Variants in PTPRG observed in about 807,000 individuals in gnomAD.
PTPRG encodes protein tyrosine phosphatase receptor type G, also known as receptor-type tyrosine-protein phosphatase gamma.
Under a neutral mutation model 165.3 loss-of-function variants are expected in PTPRG, and 102 were observed. The observed-to-expected ratio is 0.62, with a 90% CI of 0.53 to 0.73. The LOEUF is 0.73. Among genes scored for constraint, PTPRG ranks in the 30% least tolerant of loss-of-function variants. The pLI, the probability that PTPRG is intolerant of heterozygous loss-of-function variation, is 0.00. For missense variants in PTPRG, 1,866 were observed against 1,861.4 expected (o/e 1.00, Z -0.05); for synonymous variants, 675 against 669.5 (o/e 1.01, Z -0.13).
At chr3:61,674,994 A>G (rs1003585444) in intron 1 of PTPRG, among the ~76,000 whole-genome samples, 5 of 152,250 alleles carry the variant, frequency 3.3e-5, no homozygotes, top group African/African-American at 9.6e-5. Context: ...TTAGAACAGG[A>G]GACATTCAGT....
intron 2 of PTPRG, among the ~76,000 whole-genome samples, chr3:61,796,184 C>A (rs1490666973): frequency 6.6e-6 from 1 of 152,070 alleles, no homozygotes; most frequent in East Asian, 1.9e-4. Context: ...ATCTATTGAG[C>A]AAGATTAAAG....
chr3:62,081,260 ACAAACAAAC>A lies in PTPRG; in HGVS notation c.615+3003_615+3011del, dbSNP rs777811966. On this transcript the variant is annotated intron_variant, in intron 5 of 29. Transcript: ENST00000474889. The stretch of plus-strand genomic sequence containing the variant: ...CGACAGAGTGAGACTCCGTCTCAAA[ACAAACAAAC>A]AAACAAACAAACAAACAAACAAACA... Among the ~76,000 whole-genome samples the A allele has an allele frequency of 2.8e-4, 37 of 134,368 alleles. 1 individual carries two copies. Among genetic ancestry groups the A allele is most frequent in the Admixed American group, 1.2e-3 (17 of 14,084 alleles). The allele number at this position is 134,368 out of a possible 152,430, so 88.2% of individuals were successfully genotyped here. A position where few individuals can be genotyped will look rare whatever the true frequency, so the allele number is the denominator to read the frequency against.
At chr3:61,925,765 T>C (rs368023510) in intron 2 of PTPRG, 21 of 381,402 alleles carry the variant, frequency 5.5e-5, no homozygotes, top group African/African-American at 4.3e-4. Context: ...AAATCATCAT[T>C]GGTCAAAGTT....
intron 2 of PTPRG, among the ~76,000 whole-genome samples, chr3:61,976,585 T>G (rs982331959): frequency 6.6e-6 from 1 of 152,236 alleles, no homozygotes; most frequent in Non-Finnish European, 1.5e-5. Flanking sequence ...TCCTTTTTAA[T>G]AATAAATTGT....
chr3:61,993,461 C>G (rs555693181), intron 3 of PTPRG, among the ~76,000 whole-genome samples: 1 of 151,802 alleles, frequency 6.6e-6, no homozygotes. Context: ...TCAGGTGATC[C>G]GCCCACTTCT....
At position 62,203,568 on chromosome 3, in the gene PTPRG, G is replaced by A. The variant is rs1281301009; in HGVS notation, c.1773G>A (p.Gly591=). The A allele has an allele frequency of 1.9e-6, 3 of 1,552,626 alleles. No homozygotes were observed. The highest frequency in any genetic ancestry group is 1.4e-5 in the African/African-American group (1 of 73,102). The change falls in exon 12 of 30, where the codon GGG becomes GGA. Residue 591 remains glycine (G), a synonymous_variant. Transcript: ENST00000474889. The surrounding 1 kb of genome is among the most constrained non-coding windows in gnomAD (Gnocchi z 6.4). ...ATGAGAAAAGCGAGAGTGAGGATGG[G>A]GAGCGGGAGCACGAGGAGGATGGAG... ...EKDEKSESED[G]EREHEEDGEK... is the part of the protein sequence containing the mutation.
chr3:61,655,629 A>T (rs1363065359), intron 1 of PTPRG, among the ~76,000 whole-genome samples: 1 of 151,994 alleles, frequency 6.6e-6, no homozygotes, highest in Non-Finnish European at 1.5e-5. Flanking sequence ...ACAGGGTCTT[A>T]CTTTGTCACC....
At chr3:62,156,584 C>T (rs1250678048) in intron 6 of PTPRG, among the ~76,000 whole-genome samples, 1 of 152,114 alleles carries the variant, frequency 6.6e-6, no homozygotes, top group African/African-American at 2.4e-5. Context: ...TTACTGGTGA[C>T]TTACAGTTTT....
At chr3:61,697,837 C>T (rs2030697234) in intron 1 of PTPRG, among the ~76,000 whole-genome samples, 1 of 152,180 alleles carries the variant, frequency 6.6e-6, no homozygotes. Flanking sequence ...TTGCATGACT[C>T]CTGTACTTAT....
At chr3:62,058,474 C>T (rs1327631747) in intron 4 of PTPRG, among the ~76,000 whole-genome samples, 4 of 152,076 alleles carry the variant, frequency 2.6e-5, no homozygotes, top group African/African-American at 9.7e-5. Context: ...GCTGGATGTT[C>T]ATTTTAAGTG....
chr3:61,588,488 C>T (rs1210415405), intron 1 of PTPRG, among the ~76,000 whole-genome samples: 2 of 147,802 alleles, frequency 1.4e-5, no homozygotes, highest in African/African-American at 5.3e-5. Context: ...TCTCATGCCT[C>T]AGCCTCTGGA....
At chr3:61,910,671 G>C (rs1428297914) in intron 2 of PTPRG, among the ~76,000 whole-genome samples, 4 of 152,060 alleles carry the variant, frequency 2.6e-5, no homozygotes, top group African/African-American at 9.7e-5. Flanking sequence ...GATAACTCCC[G>C]AGGCTCCTCC....
At chr3:62,148,647 C>T (rs891503680) in intron 6 of PTPRG, among the ~76,000 whole-genome samples, 2 of 151,794 alleles carry the variant, frequency 1.3e-5, no homozygotes, top group Non-Finnish European at 2.9e-5. Flanking sequence ...CCTGTAGTCC[C>T]AGCTACTCGG....
chr3:61,587,972 T>TA (rs1553638616), intron 1 of PTPRG, among the ~76,000 whole-genome samples: 1 of 151,602 alleles, frequency 6.6e-6, no homozygotes, highest in African/African-American at 2.4e-5. Flanking sequence ...TTTTTTTTTT[T>TA]AAACTTTTTT....
At chr3:62,129,785 T>G (rs1703446839) in intron 5 of PTPRG, among the ~76,000 whole-genome samples, 1 of 152,076 alleles carries the variant, frequency 6.6e-6, no homozygotes, top group South Asian at 2.1e-4. Context: ...TCCCTCTCAT[T>G]CAGGATCCAA....
chr3:62,280,747 G>A (rs1322096742), intron 26 of PTPRG, among the ~76,000 whole-genome samples: 1 of 152,002 alleles, frequency 6.6e-6, no homozygotes, highest in African/African-American at 2.4e-5. Flanking sequence ...ACCTCGTAAA[G>A]ATATTTGCAC....
At chr3:61,586,850 T>A (rs953183227) in intron 1 of PTPRG, among the ~76,000 whole-genome samples, 6 of 152,250 alleles carry the variant, frequency 3.9e-5, no homozygotes, top group African/African-American at 1.2e-4. Context: ...TCCCTGTTTA[T>A]TCCTTATCAT....
rs571207363 is a variant in PTPRG at position 62,022,469 on chromosome 3, G to A, written c.519+18972G>A. ...ACCTTCTCTTGGCTCAGGAGAGGGT[G>A]GAAAGTTCAACAGGTTTTACCCAAC... On this transcript the variant is annotated intron_variant, in intron 4 of 29. Coordinates refer to ENST00000474889, the MANE Select transcript of PTPRG (RefSeq NM_002841.4). Among the ~76,000 whole-genome samples, 4 of 152,250 alleles carry A rather than the reference G, an allele frequency of 2.6e-5. No homozygotes were observed. The South Asian group carries it at 8.3e-4, about 32-fold the overall frequency.
chr3:61,994,637 T>G (rs1370838896), intron 3 of PTPRG, among the ~76,000 whole-genome samples: 1 of 152,226 alleles, frequency 6.6e-6, no homozygotes. Context: ...TGCATTGAGT[T>G]TACTTTACCT....
Sources: gnomAD v4.1 joint callset for allele counts (sites outside exome capture counted in the v4.1 genomes callset) on GRCh38, gnomAD v4.1.1 for gene constraint, Gnocchi (gnomAD v3.1) non-coding constraint, MANE v1.5 for transcripts, NCBI Gene and HGNC (gene_info 2026-07-23, HGNC 2026-07-21) for gene names.